Variants in CPE observed in about 807,000 individuals in gnomAD.
The protein encoded by CPE is carboxypeptidase E.
A neutral mutation model predicts 53.5 loss-of-function variants in CPE; 17 were observed. That is an observed-to-expected ratio of 0.32 (90% CI 0.22 to 0.48). CPE has a LOEUF of 0.48. CPE is among the 20% of genes least tolerant of loss of function. The pLI is 0.99. For missense variants in CPE, 524 were observed against 614.7 expected, an observed-to-expected ratio of 0.85 and a Z score of 1.56; for synonymous variants, 226 against 228.8, an observed-to-expected ratio of 0.99 and a Z score of 0.11.
chr4:165,484,705 C>T (rs1450692130), intron 5 of CPE, 101 bp downstream of exon 5: 1 of 1,122,356 alleles, frequency 8.9e-7, no homozygotes, highest in Admixed American at 2.5e-5. Context: ...TTCAATCGTC[C>T]TCCATCATTA....
chr4:165,384,563 C>G (rs1423422707), intron 1 of CPE, among the ~76,000 whole-genome samples: 1 of 152,162 alleles, frequency 6.6e-6, no homozygotes, highest in Non-Finnish European at 1.5e-5. Context: ...CTACAGTGAG[C>G]CATGATTGTA....
At chr4:165,475,125 G>T (rs767590645) in intron 3 of CPE, among the ~76,000 whole-genome samples, 13 of 152,136 alleles carry the variant, frequency 8.5e-5, no homozygotes, top group Non-Finnish European at 1.6e-4. Context: ...AGGACTTGAG[G>T]CTTGAGGTAA....
intron 1 of CPE, among the ~76,000 whole-genome samples, chr4:165,447,238 A>G (rs951799341): frequency 6.6e-6 from 1 of 152,174 alleles, no homozygotes; most frequent in Non-Finnish European, 1.5e-5. Context: ...TGTAAACCTT[A>G]TTAACACTGG....
intron 1 of CPE, among the ~76,000 whole-genome samples, chr4:165,463,792 A>G (rs1290017273): frequency 6.6e-6 from 1 of 152,276 alleles, no homozygotes; most frequent in Non-Finnish European, 1.5e-5. Flanking sequence ...GGAGGCACGT[A>G]GTGTGTTATT....
chr4:165,380,800 A>G (rs987019964), intron 1 of CPE, among the ~76,000 whole-genome samples: 5 of 152,232 alleles, frequency 3.3e-5, no homozygotes, highest in Non-Finnish European at 5.9e-5. Flanking sequence ...AGGTTCATGT[A>G]AGTTTGCTGT....
chr4:165,460,910 G>A (rs1287658765), intron 1 of CPE, among the ~76,000 whole-genome samples: 1 of 151,924 alleles, frequency 6.6e-6, no homozygotes, highest in Non-Finnish European at 1.5e-5. Flanking sequence ...GGGTGACAGA[G>A]GAGTTAATCA....
At chr4:165,421,894 A>G (rs537765507) in intron 1 of CPE, among the ~76,000 whole-genome samples, 1 of 152,258 alleles carries the variant, frequency 6.6e-6, no homozygotes, top group South Asian at 2.1e-4. Flanking sequence ...TAACCTAATT[A>G]ATTATTTCTG....
chr4:165,434,026 A>G (rs1216967702), intron 1 of CPE, among the ~76,000 whole-genome samples: 1 of 152,180 alleles, frequency 6.6e-6, no homozygotes, highest in African/African-American at 2.4e-5. Context: ...ACCCCTGCTC[A>G]ACCTTCTGTC....
At chr4:165,473,305 T>C (rs1027952083) in intron 3 of CPE, among the ~76,000 whole-genome samples, 1 of 139,784 alleles carries the variant, frequency 7.2e-6, no homozygotes, top group African/African-American at 2.8e-5. Context: ...AAAACTTCTG[T>C]TCTTTATAAT....
At chr4:165,445,336 AT>A (rs1229055292) in intron 1 of CPE, among the ~76,000 whole-genome samples, 1 of 146,872 alleles carries the variant, frequency 6.8e-6, no homozygotes, top group Non-Finnish European at 1.5e-5. Flanking sequence ...CTTTATTGGT[AT>A]TTTTTTGTTT....
At chr4:165,421,296 T>C (rs1731206255) in intron 1 of CPE, among the ~76,000 whole-genome samples, 1 of 152,242 alleles carries the variant, frequency 6.6e-6, no homozygotes, top group African/African-American at 2.4e-5. Flanking sequence ...GGTATACTTT[T>C]AGGACCTACG....
intron 3 of CPE, among the ~76,000 whole-genome samples, chr4:165,474,447 G>A (rs1732260953): frequency 6.6e-6 from 1 of 152,094 alleles, no homozygotes; most frequent in Non-Finnish European, 1.5e-5. Context: ...TGTAAAGAGG[G>A]AACAGAGGAG....
At chr4:165,429,080 C>G (rs1302263460) in intron 1 of CPE, among the ~76,000 whole-genome samples, 7 of 152,158 alleles carry the variant, frequency 4.6e-5, no homozygotes, top group Non-Finnish European at 2.9e-5. Flanking sequence ...TTTAACCACC[C>G]CTGCAACTCA....
At chr4:165,438,179 C>T (rs1486371394) in intron 1 of CPE, among the ~76,000 whole-genome samples, 1 of 152,078 alleles carries the variant, frequency 6.6e-6, no homozygotes, top group East Asian at 1.9e-4. Context: ...GGAGGACAGA[C>T]AGTTTAGGAG....
At position 165,379,657 on chromosome 4, in the gene CPE, G is replaced by A; in HGVS notation, c.307+129G>A. 1 of 952,454 alleles carries A rather than the reference G, an allele frequency of 1.0e-6. No homozygotes were observed. The highest frequency in any genetic ancestry group is 1.5e-6 in the Non-Finnish European group (1 of 677,596). The allele number at this position is 952,454 out of a possible 1,614,324, so 59.0% of individuals were successfully genotyped here. On this transcript the variant is annotated intron_variant, in intron 1 of 8. Coordinates refer to ENST00000402744, the MANE Select transcript of CPE (RefSeq NM_001873.4). The surrounding 1 kb of genome is among the most constrained non-coding windows in gnomAD (Gnocchi z 6.0). Reference sequence around the variant, plus strand: ...TGCCTCTTGGTAAAAGGTATCTAAGGTGGAAGGTGGGAAGTGGAGGGAGGG... The same window carrying A: ...TGCCTCTTGGTAAAAGGTATCTAAGATGGAAGGTGGGAAGTGGAGGGAGGG...
intron 1 of CPE, among the ~76,000 whole-genome samples, chr4:165,445,574 T>G (rs910469724): frequency 6.6e-6 from 1 of 152,110 alleles, no homozygotes; most frequent in African/African-American, 2.4e-5. Flanking sequence ...CACAATTGTA[T>G]AGCCAGGAAT....
chr4:165,391,396 G>T (rs1432538680), intron 1 of CPE, among the ~76,000 whole-genome samples: 2 of 152,128 alleles, frequency 1.3e-5, no homozygotes, highest in East Asian at 1.9e-4. Context: ...GGCCAAGAAG[G>T]CTCTCATTCA....
intron 2 of CPE, among the ~76,000 whole-genome samples, chr4:165,465,207 C>T (rs2126700942): frequency 6.6e-6 from 1 of 152,076 alleles, no homozygotes; most frequent in East Asian, 1.9e-4. Context: ...GGGCGGGGGA[C>T]ATTATATTTG....
At chr4:165,455,425 A>G (rs1166135461) in intron 1 of CPE, among the ~76,000 whole-genome samples, 2 of 152,236 alleles carry the variant, frequency 1.3e-5, no homozygotes, top group Non-Finnish European at 2.9e-5. Flanking sequence ...TTCAAGGTCC[A>G]AAAACCCTCT....
Sources: allele counts gnomAD v4.1 joint callset (sites outside exome capture counted in the v4.1 genomes callset), GRCh38; gene constraint gnomAD v4.1.1; non-coding constraint Gnocchi (gnomAD v3.1); transcripts MANE v1.5; gene names NCBI Gene and HGNC (gene_info 2026-07-23, HGNC 2026-07-21).